GABRG3: variants seen among roughly 807,000 people sequenced by gnomAD.
The protein encoded by GABRG3 is gamma-aminobutyric acid type A receptor subunit gamma3, also known as gamma-aminobutyric acid receptor subunit gamma-3.
A neutral mutation model predicts 48.8 loss-of-function variants in GABRG3; 25 were observed. The ratio of observed to expected loss-of-function variants is 0.51; its 90% CI spans 0.37 to 0.72. GABRG3 has a LOEUF of 0.72. Among genes scored for constraint, GABRG3 ranks in the 30% least tolerant of loss-of-function variants. The pLI is 0.00. For missense variants in GABRG3, 394 were observed against 577.9 expected, an observed-to-expected ratio of 0.68 and a Z score of 3.26; for synonymous variants, 227 against 217.6, an observed-to-expected ratio of 1.04 and a Z score of -0.38.
chr15:27,346,745 T>G (rs1000307438), intron 5 of GABRG3, among the ~76,000 whole-genome samples: 1 of 152,208 alleles, frequency 6.6e-6, no homozygotes, highest in Non-Finnish European at 1.5e-5. Flanking sequence ...CTCAAGGACA[T>G]TCATCATTTC....
intron 3 of GABRG3, among the ~76,000 whole-genome samples, chr15:27,300,690 A>AC (rs1892173704): frequency 6.6e-6 from 1 of 151,542 alleles, no homozygotes; most frequent in African/African-American, 2.4e-5. Flanking sequence ...AAAAAAAAAA[A>AC]AAAAAAACAC....
intron 3 of GABRG3, among the ~76,000 whole-genome samples, chr15:27,109,854 C>G (rs1302536959): frequency 6.6e-6 from 1 of 151,938 alleles, no homozygotes; most frequent in Non-Finnish European, 1.5e-5. Flanking sequence ...TGCACTCTAG[C>G]CTGGGCGACA....
intron 3 of GABRG3, among the ~76,000 whole-genome samples, chr15:27,071,322 C>T (rs1489133534): frequency 6.6e-6 from 1 of 152,200 alleles, no homozygotes; most frequent in East Asian, 1.9e-4. Context: ...CCTCTCTTCC[C>T]TCTGAGTCCA....
At chr15:27,062,324 T>C (rs1453644240) in intron 3 of GABRG3, among the ~76,000 whole-genome samples, 1 of 150,514 alleles carries the variant, frequency 6.6e-6, no homozygotes, top group Admixed American at 6.6e-5. Flanking sequence ...CGGCTGGGTG[T>C]GGTGGCTCAC....
chr15:27,054,388 C>T (rs945089938), intron 3 of GABRG3, among the ~76,000 whole-genome samples: 2 of 152,120 alleles, frequency 1.3e-5, no homozygotes, highest in African/African-American at 4.8e-5. Context: ...GGGAACAAAC[C>T]TGCACGTGTA....
At chr15:27,173,875 G>C (rs1887655008) in intron 3 of GABRG3, among the ~76,000 whole-genome samples, 1 of 151,984 alleles carries the variant, frequency 6.6e-6, no homozygotes, top group South Asian at 2.1e-4. Flanking sequence ...GAGTGAGACT[G>C]TCTCTGAAAA....
intron 3 of GABRG3, among the ~76,000 whole-genome samples, chr15:27,189,889 A>G (rs1475558719): frequency 6.6e-6 from 1 of 152,078 alleles, no homozygotes; most frequent in Non-Finnish European, 1.5e-5. Context: ...TATTATTTTG[A>G]GATACGTCCC....
In GABRG3 at chr15:27,283,351, C is replaced by T. The variant is rs371342187; in HGVS notation, c.271-43458C>T. On this transcript the variant is annotated intron_variant, in intron 3 of 9. Transcript: ENST00000615808. ...GGGCACGGTGGCTCATGCCTGTAAT[C>T]CCAGCACTTTGGGAGGCCGAGGCGG... 1.6e-3 allele frequency among the ~76,000 whole-genome samples: 250 copies of T among 152,306 alleles called. 1 individual carries two copies. The highest frequency in any genetic ancestry group is 5.3e-3 in the African/African-American group (220 of 41,562).
intron 2 of GABRG3, among the ~76,000 whole-genome samples, chr15:27,003,830 G>A (rs542497065): frequency 2.0e-4 from 30 of 150,004 alleles, no homozygotes; most frequent in African/African-American, 7.4e-4. Context: ...CTCCAGGACG[G>A]GGTGGCTGGC....
chr15:27,269,436 C>T (rs1289446044), intron 3 of GABRG3, among the ~76,000 whole-genome samples: 1 of 152,150 alleles, frequency 6.6e-6, no homozygotes, highest in African/African-American at 2.4e-5. Flanking sequence ...CCTCTAATTC[C>T]AGGTTTTCCC....
At chr15:27,349,393 GT>G (rs1894481639) in intron 5 of GABRG3, among the ~76,000 whole-genome samples, 1 of 152,184 alleles carries the variant, frequency 6.6e-6, no homozygotes, top group Non-Finnish European at 1.5e-5. Context: ...ACAAGGGGAA[GT>G]GATGTCTGCC....
In GABRG3 at chr15:27,541,913, C is replaced by G. The variant is rs1310399229; in HGVS notation, c.*9032C>G. 5 of 152,246 alleles carry G rather than the reference C, an allele frequency of 3.3e-5. No homozygotes were observed. The allele number at this position is 152,246 out of a possible 1,614,324, so 9.4% of individuals were successfully genotyped here. A position where few individuals can be genotyped will look rare whatever the true frequency, so the allele number is the denominator to read the frequency against. ...CCTCAGCTGGGCCTCGTGGCTGGGC[C>G]GCCCTCTGTATTTGTATTTGGATTC... On this transcript the variant is annotated 3_prime_UTR_variant, in exon 10 of 10. Transcript: ENST00000615808.
chr15:27,355,816 C>T (rs1194312793), intron 5 of GABRG3, among the ~76,000 whole-genome samples: 2 of 152,074 alleles, frequency 1.3e-5, no homozygotes, highest in African/African-American at 4.8e-5. Context: ...CAAACAGATG[C>T]TACAACATAG....
chr15:27,228,094 T>G (rs1889682227), intron 3 of GABRG3, among the ~76,000 whole-genome samples: 1 of 152,102 alleles, frequency 6.6e-6, no homozygotes, highest in African/African-American at 2.4e-5. Flanking sequence ...TTATTTTAGG[T>G]TTGGGGGTAT....
chr15:27,132,471 GTTTTTTTT>G (rs59023766), intron 3 of GABRG3, among the ~76,000 whole-genome samples: 2 of 39,592 alleles, frequency 5.1e-5, no homozygotes, highest in Non-Finnish European at 9.5e-5. Flanking sequence ...AGTAGTTACA[GTTTTTTTT>G]TTTTTTTTTT....
chr15:27,242,308 A>G (rs988588293), intron 3 of GABRG3, among the ~76,000 whole-genome samples: 3 of 152,160 alleles, frequency 2.0e-5, no homozygotes, highest in African/African-American at 7.2e-5. Flanking sequence ...TTCAGGGGTT[A>G]ATGAGAGGCA....
At chr15:27,083,764 G>A (rs1466534476) in intron 3 of GABRG3, among the ~76,000 whole-genome samples, 1 of 152,174 alleles carries the variant, frequency 6.6e-6, no homozygotes, top group African/African-American at 2.4e-5. Context: ...CAAAGCCCCA[G>A]GTACCATCTG....
chr15:26,979,182 T>C (rs1895006354), intron 2 of GABRG3, among the ~76,000 whole-genome samples: 1 of 152,256 alleles, frequency 6.6e-6, no homozygotes, highest in African/African-American at 2.4e-5. Context: ...TGATGTGTTC[T>C]CTGACTTGCT....
In GABRG3 at chr15:27,478,434, C is replaced by T. The variant is rs191365305; in HGVS notation, c.575-2216C>T. Among the ~76,000 whole-genome samples, 194 of 152,268 alleles carry T rather than the reference C, an allele frequency of 1.3e-3. 1 individual carries two copies. The highest frequency in any genetic ancestry group is 4.5e-3 in the African/African-American group (187 of 41,570). The stretch of plus-strand genomic sequence containing the variant: ...AGTATTATCAGTCATTGGAGAAATA[C>T]AAATCAAACAATGATGATATGCCAC... On this transcript the variant is annotated intron_variant, in intron 5 of 9. Coordinates refer to ENST00000615808, the MANE Select transcript of GABRG3 (RefSeq NM_033223.5).
Sources: allele counts gnomAD v4.1 joint callset (sites outside exome capture counted in the v4.1 genomes callset), GRCh38; gene constraint gnomAD v4.1.1; transcripts MANE v1.5; gene names NCBI Gene and HGNC (gene_info 2026-07-23, HGNC 2026-07-21).